Variants in TEX9 observed in about 807,000 individuals in gnomAD.
TEX9 encodes testis expressed 9, also known as testis-expressed protein 9.
In TEX9, 74 loss-of-function variants were observed where a neutral mutation model predicts 59.6. The ratio of observed to expected loss-of-function variants is 1.24; its 90% CI spans 1.03 to 1.51. The LOEUF is 1.51. TEX9 is among the 40% of genes most tolerant of loss of function. TEX9 has a pLI of 0.00. For missense variants in TEX9, 522 were observed against 447.8 expected (o/e 1.17, Z -1.49); for synonymous variants, 186 against 152.2 (o/e 1.22, Z -1.64).
At chr15:56,388,547 C>T (rs1400010837) in intron 5 of TEX9, 27 bp downstream of exon 5, 2 of 1,584,356 alleles carry the variant, frequency 1.3e-6, no homozygotes, top group Non-Finnish European at 1.7e-6. Flanking sequence ...TCTGTGAATG[C>T]AATTATATTC....
At chr15:56,302,058 G>T (rs562683231) in intron 1 of TEX9, among the ~76,000 whole-genome samples, 1 of 152,150 alleles carries the variant, frequency 6.6e-6, no homozygotes, top group Non-Finnish European at 1.5e-5. Flanking sequence ...TTAAAGCATA[G>T]AGTTTTTATT....
chr15:56,436,280 C>T (rs1160850127), intron 12 of TEX9, among the ~76,000 whole-genome samples: 1 of 152,134 alleles, frequency 6.6e-6, no homozygotes, highest in Non-Finnish European at 1.5e-5. Flanking sequence ...TGCAATCAAA[C>T]TAGAACTCAG....
intron 1 of TEX9, among the ~76,000 whole-genome samples, chr15:56,261,499 C>T (rs1472719610): frequency 6.6e-6 from 1 of 151,922 alleles, no homozygotes; most frequent in Non-Finnish European, 1.5e-5. Flanking sequence ...AGGTGGATCA[C>T]TTGAGGTCAG....
the TEX9 span, among the ~76,000 whole-genome samples, chr15:56,456,822 T>C: frequency 1.3e-5 from 2 of 152,132 alleles, no homozygotes; most frequent in Non-Finnish European, 2.9e-5. Flanking sequence ...TTTCACTCTT[T>C]TTTCCCTTAT....
intron 1 of TEX9, among the ~76,000 whole-genome samples, chr15:56,261,658 A>G (rs2044270902): frequency 1.3e-5 from 2 of 152,190 alleles, no homozygotes; most frequent in Admixed American, 1.3e-4. Context: ...GGGAGGTTGC[A>G]GTGAGCTAAG....
At chr15:56,431,456 C>T (rs1363289547) in intron 12 of TEX9, 19 of 1,613,572 alleles carry the variant, frequency 1.2e-5, no homozygotes, top group Non-Finnish European at 1.6e-5. Context: ...TTAATAAATC[C>T]TTGCCGCCTT....
intron 4 of TEX9, among the ~76,000 whole-genome samples, chr15:56,387,015 G>A (rs2047990160): frequency 7.4e-6 from 1 of 135,228 alleles, no homozygotes; most frequent in South Asian, 2.4e-4. Context: ...GGATGACTCT[G>A]TCAAAAAATG....
chr15:56,426,470 T>TATCA lies in TEX9; in HGVS notation c.964-1134_964-1131dup, dbSNP rs1304523910. Among the ~76,000 whole-genome samples the TATCA allele has an allele frequency of 2.0e-5, 3 of 151,056 alleles. No homozygotes were observed. The Admixed American group carries it at 2.0e-4, about 10-fold the overall frequency. On this transcript the variant is annotated intron_variant, in intron 10 of 12. Transcript: ENST00000352903. The stretch of plus-strand genomic sequence containing the variant: ...TCTCCCAAAGCTATTTTGGTCTGTG[T>TATCA]ATCATATAGTCAGTCTTTTAATGGG...
intron 1 of TEX9, among the ~76,000 whole-genome samples, chr15:56,257,731 C>T (rs2044176293): frequency 6.6e-6 from 1 of 152,036 alleles, no homozygotes; most frequent in South Asian, 2.1e-4. Context: ...TTCTCCCATT[C>T]TGCCGGTTTT....
At chr15:56,249,392 C>G in intron 1 of TEX9, among the ~76,000 whole-genome samples, 1 of 149,800 alleles carries the variant, frequency 6.7e-6, no homozygotes, top group South Asian at 2.1e-4. Flanking sequence ...AAGTTTGTTG[C>G]TCCTTGAGGA....
At chr15:56,424,525 T>C (rs1353422558) in intron 10 of TEX9, among the ~76,000 whole-genome samples, 9 of 152,120 alleles carry the variant, frequency 5.9e-5, no homozygotes, top group Admixed American at 5.9e-4. Context: ...TTGTTCACAA[T>C]TTTATGTATG....
intron 1 of TEX9, among the ~76,000 whole-genome samples, chr15:56,319,201 T>G (rs914263773): frequency 1.3e-5 from 2 of 151,998 alleles, no homozygotes; most frequent in Non-Finnish European, 2.9e-5. Context: ...AACCCCTCTG[T>G]GATGGCCACA....
rs139772613 is a variant in TEX9, at chr15:56,268,330, T to G, written c.-107+24052T>G. Among the ~76,000 whole-genome samples, 1,173 of 152,314 alleles carry G rather than the reference T, an allele frequency of 7.7e-3. 9 individuals carry two copies. The highest frequency in any genetic ancestry group is 0.01 in the Non-Finnish European group (706 of 68,038). On this transcript the variant is annotated intron_variant, in intron 1 of 5. Transcript: ENST00000560827. ...ATACCCTTTATTTCTTTCTCTTGCC[T>G]GGTTGCCCTGGCCAAAACTTCCAAC...
intron 1 of TEX9, among the ~76,000 whole-genome samples, chr15:56,255,579 T>C (rs1172072577): frequency 6.6e-6 from 1 of 151,994 alleles, no homozygotes; most frequent in East Asian, 1.9e-4. Flanking sequence ...ACAAATATAG[T>C]AACAATGTTA....
chr15:56,403,507 C>T (rs1339251978), intron 9 of TEX9, among the ~76,000 whole-genome samples: 2 of 152,364 alleles, frequency 1.3e-5, no homozygotes, highest in Non-Finnish European at 2.9e-5. Context: ...GAAGGACATT[C>T]TGTACTCATG....
At chr15:56,347,381 C>T (rs759500785) in intron 1 of TEX9, among the ~76,000 whole-genome samples, 1 of 151,884 alleles carries the variant, frequency 6.6e-6, no homozygotes, top group Non-Finnish European at 1.5e-5. Context: ...GGGATGGACA[C>T]ATAGATTAGT....
intron 2 of TEX9, 32 bp downstream of exon 2, chr15:56,365,702 T>TGAATGAAC: frequency 6.2e-7 from 1 of 1,613,570 alleles, no homozygotes; most frequent in East Asian, 2.2e-5. Context: ...CTTTTCCTTC[T>TGAATGAAC]TTCTTTCATC....
chr15:56,312,451 T>C (rs1244016778), intron 1 of TEX9, among the ~76,000 whole-genome samples: 20 of 146,898 alleles, frequency 1.4e-4, no homozygotes, highest in African/African-American at 4.3e-4. Context: ...GATCAGATAG[T>C]TGTAGATATG....
intron 12 of TEX9, among the ~76,000 whole-genome samples, chr15:56,435,955 G>C (rs978902773): frequency 6.6e-6 from 1 of 151,968 alleles, no homozygotes; most frequent in Non-Finnish European, 1.5e-5. Context: ...TGACCAAGTA[G>C]TGTTTATTAC....
Sources: allele counts gnomAD v4.1 joint callset (sites outside exome capture counted in the v4.1 genomes callset), GRCh38; gene constraint gnomAD v4.1.1; transcripts MANE v1.5; gene names NCBI Gene and HGNC (gene_info 2026-07-23, HGNC 2026-07-21).